NRG3: variants seen among roughly 807,000 people sequenced by gnomAD.
NRG3 encodes neuregulin 3.
In NRG3, 31 loss-of-function variants were observed where a neutral mutation model predicts 66.9. The ratio of observed to expected loss-of-function variants is 0.46; its 90% CI spans 0.35 to 0.63. The LOEUF is 0.63. NRG3 is among the 20% of genes least tolerant of loss of function. The pLI is 0.00. For synonymous variants in NRG3, 393 were observed against 359.4 expected (o/e 1.09, Z -1.06); for missense variants, 910 against 878.9 (o/e 1.04, Z -0.45).
chr10:82,261,016 G>T (rs1437697932), intron 1 of NRG3, among the ~76,000 whole-genome samples: 1 of 152,140 alleles, frequency 6.6e-6, no homozygotes, highest in Admixed American at 6.6e-5. Context: ...CATCCCCTTG[G>T]TGATGAGTGA....
In NRG3 at chr10:82,340,350, A is replaced by G. The variant is rs138712448; in HGVS notation, c.824-18389A>G. On this transcript the variant is annotated intron_variant, in intron 1 of 8. Coordinates refer to ENST00000372141, the MANE Select transcript of NRG3 (RefSeq NM_001010848.4). ...TGCCCTCTCCACGAACTCTCCTAGA[A>G]TATTTTTTCTACTTCTGCCATGACA... 4.7e-3 allele frequency among the ~76,000 whole-genome samples: 722 copies of G among 152,270 alleles called. 5 individuals carry two copies. Among genetic ancestry groups the G allele is most frequent in the African/African-American group, 0.017 (692 of 41,550 alleles).
chr10:82,128,795 A>G (rs948975074), intron 1 of NRG3, among the ~76,000 whole-genome samples: 1 of 152,044 alleles, frequency 6.6e-6, no homozygotes, highest in Non-Finnish European at 1.5e-5. Context: ...CTGAATAAAC[A>G]GATTAGCTTT....
At chr10:82,219,796 T>C (rs2133759330) in intron 1 of NRG3, among the ~76,000 whole-genome samples, 1 of 152,262 alleles carries the variant, frequency 6.6e-6, no homozygotes, top group South Asian at 2.1e-4. Flanking sequence ...TTAAAATGAC[T>C]TTCCTTTTAA....
intron 1 of NRG3, among the ~76,000 whole-genome samples, chr10:81,891,388 T>A (rs543257684): frequency 6.6e-6 from 1 of 152,294 alleles, no homozygotes; most frequent in South Asian, 2.1e-4. Flanking sequence ...TGGCGCACTT[T>A]AAGGTATTTA....
At chr10:82,388,306 C>T (rs140318408) in intron 2 of NRG3, among the ~76,000 whole-genome samples, 44 of 152,094 alleles carry the variant, frequency 2.9e-4, no homozygotes, top group Non-Finnish European at 4.4e-4. Flanking sequence ...CAAAGGAAAC[C>T]AAGGTAAAAT....
At position 82,333,706 on chromosome 10, in the gene NRG3, C is replaced by G. The variant is rs151254971; in HGVS notation, c.824-25033C>G. ...CTTACTGAGAAATCTACAAGGTACT[C>G]TTCTTGGTTCATAGGTAGGTACCCA... On this transcript the variant is annotated intron_variant, in intron 1 of 8. Coordinates refer to ENST00000372141, the MANE Select transcript of NRG3 (RefSeq NM_001010848.4). Among the ~76,000 whole-genome samples the G allele has an allele frequency of 9.9e-5, 15 of 152,232 alleles. No homozygotes were observed. The East Asian group carries it at 2.7e-3, about 28-fold the overall frequency.
chr10:82,607,389 T>A (rs1342741665), intron 2 of NRG3, among the ~76,000 whole-genome samples: 3 of 128,628 alleles, frequency 2.3e-5, no homozygotes, highest in African/African-American at 7.8e-5. Context: ...TGATTGGAAA[T>A]TAATATAGCT....
At chr10:82,879,930 A>G (rs547931906) in intron 4 of NRG3, among the ~76,000 whole-genome samples, 20 of 127,482 alleles carry the variant, frequency 1.6e-4, no homozygotes, top group Non-Finnish European at 2.6e-4. Context: ...TTCATGTTGC[A>G]TTCACTCTTC....
chr10:82,240,021 C>G, intron 1 of NRG3, among the ~76,000 whole-genome samples: 1 of 151,898 alleles, frequency 6.6e-6, no homozygotes, highest in South Asian at 2.1e-4. Flanking sequence ...ATATTTTATG[C>G]CTGTTTTGAA....
At chr10:82,895,486 CTTTTTTT>C (rs57655284) in intron 4 of NRG3, among the ~76,000 whole-genome samples, 1 of 128,338 alleles carries the variant, frequency 7.8e-6, no homozygotes, top group Middle Eastern at 3.9e-3. Context: ...CAATAACATT[CTTTTTTT>C]TTTTTTTTTT....
chr10:82,901,667 T>A (rs1279245708), intron 4 of NRG3, among the ~76,000 whole-genome samples: 1 of 152,194 alleles, frequency 6.6e-6, no homozygotes, highest in East Asian at 1.9e-4. Context: ...CAGGTGAAGA[T>A]TTCTTAAGCA....
At chr10:82,072,173 A>T (rs146644084) in intron 1 of NRG3, among the ~76,000 whole-genome samples, 41 of 152,350 alleles carry the variant, frequency 2.7e-4, no homozygotes, top group African/African-American at 8.9e-4. Context: ...ACTGCACAGT[A>T]CTTACTTTTC....
At chr10:82,962,429 C>T (rs954489829) in intron 6 of NRG3, among the ~76,000 whole-genome samples, 9 of 151,938 alleles carry the variant, frequency 5.9e-5, no homozygotes, top group African/African-American at 1.9e-4. Flanking sequence ...AATTGTATAC[C>T]CTTCATACCT....
At chr10:82,544,212 T>A (rs1174482817) in intron 2 of NRG3, among the ~76,000 whole-genome samples, 1 of 152,184 alleles carries the variant, frequency 6.6e-6, no homozygotes, top group Non-Finnish European at 1.5e-5. Context: ...TGATTTGTAT[T>A]TGGGTATGAG....
At chr10:82,376,257 G>C (rs918216633) in intron 2 of NRG3, among the ~76,000 whole-genome samples, 12 of 152,118 alleles carry the variant, frequency 7.9e-5, no homozygotes, top group African/African-American at 2.9e-4. Flanking sequence ...CAGATAGCCC[G>C]AACACATGCA....
At position 82,710,586 on chromosome 10, in the gene NRG3, CAAAAAAAAAA is replaced by C. The variant is rs59857324; in HGVS notation, c.954-27976_954-27967del. On this transcript the variant is annotated intron_variant, in intron 2 of 8. Transcript: ENST00000372141. ...GGGCGACAAGAGCAAGACTCCATCT[CAAAAAAAAAA>C]AAAAAAAAAAAAAAGAATTTATTTC... Among the ~76,000 whole-genome samples the C allele has an allele frequency of 6.8e-5, 5 of 73,756 alleles. 1 individual carries two copies. The Admixed American group carries it at 8.7e-4, about 13-fold the overall frequency. The allele number at this position is 73,756 out of a possible 152,430, so 48.4% of individuals were successfully genotyped here.
chr10:81,908,715 G>A (rs1844832532), intron 1 of NRG3, among the ~76,000 whole-genome samples: 1 of 152,182 alleles, frequency 6.6e-6, no homozygotes, highest in African/African-American at 2.4e-5. Flanking sequence ...TGAAAAAGGA[G>A]AGAAACTAAG....
intron 2 of NRG3, among the ~76,000 whole-genome samples, chr10:82,621,039 G>T (rs1396531648): frequency 6.6e-6 from 1 of 151,958 alleles, no homozygotes; most frequent in Non-Finnish European, 1.5e-5. Context: ...TTTCATTTTA[G>T]AGTAACTGAG....
intron 2 of NRG3, among the ~76,000 whole-genome samples, chr10:82,633,403 T>G (rs957401653): frequency 6.6e-6 from 1 of 152,166 alleles, no homozygotes; most frequent in African/African-American, 2.4e-5. Context: ...AAATGTCAAG[T>G]TGTACGACAC....
Sources: allele counts gnomAD v4.1 joint callset (sites outside exome capture counted in the v4.1 genomes callset), GRCh38; gene constraint gnomAD v4.1.1; transcripts MANE v1.5; gene names NCBI Gene and HGNC (gene_info 2026-07-23, HGNC 2026-07-21).